HAUS7: variants seen among roughly 807,000 people sequenced by gnomAD.
The protein encoded by HAUS7 is HAUS augmin-like complex subunit 7.
A neutral mutation model predicts 28.4 loss-of-function variants in HAUS7; 3 were observed. The observed-to-expected ratio is 0.11, with a 90% CI of 0.05 to 0.27. The LOEUF is 0.27. Ranked by LOEUF, HAUS7 falls within the 10% of genes least tolerant of loss-of-function variation. HAUS7 has a pLI of 1.00. For missense variants in HAUS7, 284 were observed against 297.3 expected, an observed-to-expected ratio of 0.96 and a Z score of 0.33; for synonymous variants, 165 against 132.1, an observed-to-expected ratio of 1.25 and a Z score of -1.71.
upstream of HAUS7, chrX:153,470,665 T>G (rs2089512485): frequency 9.7e-7 from 1 of 1,031,599 alleles, no homozygotes; most frequent in Non-Finnish European, 1.3e-6. Context: ...GCCCACCCCC[T>G]TCCCGACCGA....
chrX:153,470,992 G>A (rs1238763179), upstream of HAUS7: 3 of 332,200 alleles, frequency 9.0e-6, no homozygotes, highest in Admixed American at 9.2e-5. Context: ...AGGAGGGGGC[G>A]CTCCTGCCTT....
At chrX:153,474,333 T>G (rs1484206058), upstream of HAUS7, among the ~76,000 whole-genome samples, 1 of 112,206 alleles carries the variant, frequency 8.9e-6, no homozygotes, top group Non-Finnish European at 1.9e-5. Context: ...TGCCCCATCC[T>G]GCCCCCAGGC....
intron 1 of HAUS7, among the ~76,000 whole-genome samples, chrX:153,485,500 C>A (rs1386438420): frequency 1.8e-5 from 2 of 112,161 alleles, no homozygotes; most frequent in African/African-American, 6.5e-5. Context: ...GCAGGTATCG[C>A]TAGCCCTGCA....
chrX:153,476,600 C>T (rs2089563942), intron 1 of HAUS7, among the ~76,000 whole-genome samples: 1 of 111,978 alleles, frequency 8.9e-6, no homozygotes, highest in African/African-American at 3.3e-5. Flanking sequence ...TCTCTAGGCG[C>T]CTTCTGGCTC....
intron 4 of HAUS7, chrX:153,462,260 GC>G: frequency 2.8e-6 from 2 of 715,362 alleles, no homozygotes; most frequent in Non-Finnish European, 3.3e-6. Context: ...GGCCACAAGG[GC>G]TTGGGAGCCA....
chrX:153,473,211 C>T (rs1352288131), upstream of HAUS7, among the ~76,000 whole-genome samples: 2 of 112,726 alleles, frequency 1.8e-5, no homozygotes, highest in African/African-American at 3.2e-5. Flanking sequence ...GCAGACCCCA[C>T]GGTGCAGCGG....
chrX:153,455,494 G>T, intron 8 of HAUS7, 48 bp downstream of exon 8: 1 of 850,039 alleles, frequency 1.2e-6, no homozygotes. Flanking sequence ...CTCAGTCTGA[G>T]TGAACAGGGG....
intron 3 of HAUS7, among the ~76,000 whole-genome samples, chrX:153,464,334 CG>C (rs1199274736): frequency 8.9e-6 from 1 of 112,695 alleles, no homozygotes; most frequent in East Asian, 2.8e-4. Context: ...GCCAGCCCAC[CG>C]GCTGCTCTAA....
Position 153,447,794 on chromosome X carries a change from C to T in HAUS7, c.*84G>A. The T allele has an allele frequency of 1.3e-6, 1 of 784,284 alleles. No homozygotes were observed. The allele number at this position is 784,284 out of a possible 1,213,427, so 64.6% of individuals were successfully genotyped here. A position where few individuals can be genotyped will look rare whatever the true frequency, so the allele number is the denominator to read the frequency against. Reference sequence around the variant, plus strand: ...CAACGGCTTCTGCTGCCACAATCATCCATCCTCGGCCAACTCGATCTTGGG... The same window carrying T: ...CAACGGCTTCTGCTGCCACAATCATTCATCCTCGGCCAACTCGATCTTGGG... On this transcript the variant is annotated 3_prime_UTR_variant, in exon 10 of 10. Coordinates refer to ENST00000370211, the MANE Select transcript of HAUS7 (RefSeq NM_001385482.1).
At chrX:153,484,763 C>T (rs1374777350) in intron 1 of HAUS7, among the ~76,000 whole-genome samples, 19 of 113,104 alleles carry the variant, frequency 1.7e-4, no homozygotes, top group African/African-American at 4.8e-4. Context: ...AGGGGCTGCC[C>T]GGCCGCTATT....
chrX:153,477,257 T>C (rs1304049796), intron 1 of HAUS7, among the ~76,000 whole-genome samples: 2 of 113,332 alleles, frequency 1.8e-5, no homozygotes, highest in Non-Finnish European at 3.7e-5. Flanking sequence ...GGGAACCAGA[T>C]GGCAGGATGT....
chrX:153,493,366 C>G (rs1353994036), intron 1 of HAUS7, among the ~76,000 whole-genome samples: 1 of 112,087 alleles, frequency 8.9e-6, no homozygotes, highest in African/African-American at 3.2e-5. Flanking sequence ...CTGCCTGTCC[C>G]GCTCTCTACC....
intron 2 of HAUS7, among the ~76,000 whole-genome samples, chrX:153,468,937 C>T (rs183550980): frequency 2.7e-5 from 3 of 113,177 alleles, no homozygotes; most frequent in East Asian, 2.8e-4. Context: ...AGCCCAGCAC[C>T]GCCAGGGGCC....
intron 1 of HAUS7, 145 bp from the exon 2 acceptor site, chrX:153,469,406 G>A: frequency 2.7e-6 from 1 of 366,355 alleles, no homozygotes; most frequent in Non-Finnish European, 4.7e-6. Context: ...GCTCACTGCA[G>A]CCTCCACCTC....
intron 7 of HAUS7, 58 bp from the exon 8 acceptor site, chrX:153,455,824 C>T: frequency 1.4e-6 from 1 of 690,686 alleles, no homozygotes; most frequent in Non-Finnish European, 2.3e-6. Context: ...CAGGCTGCCA[C>T]CGGCCCTCAC....
intron 3 of HAUS7, 75 bp downstream of exon 3, chrX:153,464,913 G>T: frequency 1.4e-6 from 1 of 691,419 alleles, no homozygotes; most frequent in Non-Finnish European, 2.3e-6. Flanking sequence ...AGAAAACGTT[G>T]GTCCAATGGA....
intron 1 of HAUS7, among the ~76,000 whole-genome samples, chrX:153,490,701 C>G (rs1235896231): frequency 8.9e-6 from 1 of 112,851 alleles, no homozygotes; most frequent in African/African-American, 3.2e-5. Context: ...TGGGGCCGCT[C>G]TTGCTCAAGA....
intron 1 of HAUS7, among the ~76,000 whole-genome samples, chrX:153,492,282 C>T (rs1011513236): frequency 2.7e-5 from 3 of 112,735 alleles, no homozygotes; most frequent in African/African-American, 9.7e-5. Flanking sequence ...GTACCTTCTG[C>T]GCTGCAGAGA....
Position 153,470,461 on chromosome X carries a change from C to G in HAUS7, c.97G>C (p.Gly33Arg), listed in dbSNP as rs2089507099. 3 of 1,209,142 alleles carry G rather than the reference C, an allele frequency of 2.5e-6. No homozygotes were observed. The East Asian group carries it at 8.9e-5, about 36-fold the overall frequency. ...TGGGCCAACAGCACCTTCAGCTTCCCGAACACCTCCACAGCCGCCCTGGAC... is the reference window on the plus strand; with the variant it reads ...TGGGCCAACAGCACCTTCAGCTTCCGGAACACCTCCACAGCCGCCCTGGAC... ...SVSRAAVEVFGKLKDLNCPFL... is the reference protein window; with the variant it reads ...SVSRAAVEVFRKLKDLNCPFL... Residue 33 changes from glycine (G) to arginine (R), a missense_variant, in exon 1 of 10, where the codon GGG (glycine) becomes CGG (arginine). Coordinates refer to ENST00000370211, the MANE Select transcript of HAUS7 (RefSeq NM_001385482.1).
Sources: gnomAD v4.1 joint callset for allele counts (sites outside exome capture counted in the v4.1 genomes callset) on GRCh38, gnomAD v4.1.1 for gene constraint, MANE v1.5 for transcripts, NCBI Gene and HGNC (gene_info 2026-07-23, HGNC 2026-07-21) for gene names.